Variants in RAD51C observed in about 807,000 individuals in gnomAD.
The protein encoded by RAD51C is DNA repair protein RAD51 homolog 3.
RAD51C carries 42 observed loss-of-function variants against 45.0 expected under a neutral mutation model. That is an observed-to-expected ratio of 0.93 (90% CI 0.73 to 1.21). RAD51C has a LOEUF of 1.21. RAD51C is among the 50% of genes most tolerant of loss of function. RAD51C has a pLI of 0.00. For missense variants in RAD51C, 474 were observed against 452.2 expected (o/e 1.05, Z -0.44); for synonymous variants, 172 against 159.8 (o/e 1.08, Z -0.58).
chr17:58,696,661 G>T, intron 2 of RAD51C, 32 bp from the exon 3 acceptor site: 3 of 1,613,912 alleles, frequency 1.9e-6, no homozygotes, highest in Non-Finnish European at 2.5e-6. Flanking sequence ...TCATCATCAT[G>T]ATTTGGTTGT....
At chr17:58,732,848 G>GA (rs2144049461) in intron 8 of RAD51C, 1 of 334,868 alleles carries the variant, frequency 3.0e-6, no homozygotes, top group African/African-American at 2.1e-5. Flanking sequence ...TTCCAGAAAA[G>GA]AAAAAATACT....
chr17:58,702,509 A>G (rs1281481156), intron 3 of RAD51C, among the ~76,000 whole-genome samples: 2 of 151,942 alleles, frequency 1.3e-5, no homozygotes, highest in Non-Finnish European at 2.9e-5. Flanking sequence ...CCTGGCCAAC[A>G]AGGTGAAACC....
intron 4 of RAD51C, among the ~76,000 whole-genome samples, chr17:58,708,062 G>A (rs1341978204): frequency 6.6e-6 from 1 of 152,108 alleles, no homozygotes. Flanking sequence ...ACGAATATTG[G>A]GGGGACACAG....
intron 6 of RAD51C, among the ~76,000 whole-genome samples, chr17:58,721,290 G>A (rs572834654): frequency 6.6e-6 from 1 of 151,840 alleles, no homozygotes; most frequent in Non-Finnish European, 1.5e-5. Context: ...AAAAAATTGC[G>A]TATCTACTGT....
intron 7 of RAD51C, among the ~76,000 whole-genome samples, chr17:58,728,244 C>CAA (rs879559136): frequency 8.1e-6 from 1 of 124,062 alleles, no homozygotes; most frequent in Non-Finnish European, 1.7e-5. Flanking sequence ...GACTCTGTCT[C>CAA]AAAAAAAAAA....
chr17:58,705,650 A>G (rs1239800240), intron 4 of RAD51C, among the ~76,000 whole-genome samples: 2 of 152,042 alleles, frequency 1.3e-5, no homozygotes, highest in African/African-American at 2.4e-5. Context: ...TTCTTCTTAC[A>G]AGGACGCTAA....
chr17:58,733,277 A>G (rs891442169), intron 8 of RAD51C, among the ~76,000 whole-genome samples: 1 of 152,168 alleles, frequency 6.6e-6, no homozygotes, highest in African/African-American at 2.4e-5. Flanking sequence ...CAGCCTTCCA[A>G]AATTCTGGGA....
chr17:58,726,214 G>A (rs17222733), intron 7 of RAD51C, among the ~76,000 whole-genome samples: 21,852 of 151,332 alleles, frequency 0.14, 2,428 homozygotes, highest in East Asian at 0.31. Context: ...TAACATTTCA[G>A]ATAATCTTTT....
Position 58,734,367 on chromosome 17 carries a change from A to G in RAD51C, c.*145A>G. On this transcript the variant is annotated 3_prime_UTR_variant, in exon 9 of 9. Coordinates refer to ENST00000337432, the MANE Select transcript of RAD51C (RefSeq NM_058216.3). ...ATGAAGTGAATGGGAAAAATACCTAAATATGATTCTGTGAAAGTTTTTCTA... is the reference window on the plus strand; with the variant it reads ...ATGAAGTGAATGGGAAAAATACCTAGATATGATTCTGTGAAAGTTTTTCTA... 7.2e-7 allele frequency: 1 copy of G among 1,380,586 alleles called. No individual in the cohort carries two copies. The allele number at this position is 1,380,586 out of a possible 1,614,324, so 85.5% of individuals were successfully genotyped here.
intron 7 of RAD51C, among the ~76,000 whole-genome samples, chr17:58,731,362 C>T (rs1033088201): frequency 1.3e-5 from 2 of 151,102 alleles, no homozygotes; most frequent in Admixed American, 6.6e-5. Context: ...CAGGTTCAAG[C>T]GATTCTCCTG....
intron 4 of RAD51C, chr17:58,705,896 G>A (rs932774409): frequency 6.7e-6 from 1 of 148,436 alleles, no homozygotes; most frequent in Non-Finnish European, 1.5e-5. Context: ...GTCTTAACCG[G>A]TTCCATCATC....
At position 58,692,716 on chromosome 17, in the gene RAD51C, G is replaced by A. The variant is rs757116652; in HGVS notation, c.73G>A (p.Val25Met). 1.2e-6 allele frequency: 2 copies of A among 1,614,250 alleles called. No individual in the cohort carries two copies. Among genetic ancestry groups the A allele is most frequent in the South Asian group, 2.2e-5 (2 of 91,086 alleles). Reference protein sequence around the residue: ...VSFPLSPAVRVKLVSAGFQTA... With the variant: ...VSFPLSPAVRMKLVSAGFQTA... ...TTTCCCGCTGTCTCCAGCGGTGCGG[G>A]TGAAGCTGGTGTCTGCGGGGTTCCA... The change falls in exon 1 of 9, where the codon GTG becomes ATG. Residue 25 changes from valine (V) to methionine (M), a missense_variant. By Grantham distance (21) the Val-to-Met change is conservative. Coordinates refer to ENST00000337432, the MANE Select transcript of RAD51C (RefSeq NM_058216.3).
At chr17:58,730,067 C>T (rs781634090) in intron 7 of RAD51C, among the ~76,000 whole-genome samples, 1 of 151,936 alleles carries the variant, frequency 6.6e-6, no homozygotes, top group Non-Finnish European at 1.5e-5. Context: ...GGTTAAAATA[C>T]ACCTTGCCTC....
intron 3 of RAD51C, among the ~76,000 whole-genome samples, chr17:58,700,735 T>C (rs1006741530): frequency 6.6e-6 from 1 of 152,082 alleles, no homozygotes; most frequent in African/African-American, 2.4e-5. Flanking sequence ...CCACCACACC[T>C]GGCCTAAAGT....
In RAD51C at chr17:58,734,153, A is replaced by G. The variant is rs201000407; in HGVS notation, c.1062A>G (p.Ala354=). The G allele has an allele frequency of 1.8e-5, 29 of 1,613,730 alleles. No individual in the cohort carries two copies. In the East Asian group the frequency reaches 6.0e-4, roughly 33 times the overall value. The change falls in exon 9 of 9, where the codon GCA becomes GCG. Residue 354 remains alanine (A), a synonymous_variant. Coordinates refer to ENST00000337432, the MANE Select transcript of RAD51C (RefSeq NM_058216.3). ...TTAGAGATACTGTTGTTACTTCTGC[A>G]TGTTCATTGCAAACAGAAGGTTCCT... ...QGFRDTVVTS[A]CSLQTEGSLS...
chr17:58,732,471 T>A lies in RAD51C; in HGVS notation c.966-13T>A. On this transcript the variant is annotated splice_polypyrimidine_tract_variant and intron_variant, in intron 7 of 8. Coordinates refer to ENST00000337432, the MANE Select transcript of RAD51C (RefSeq NM_058216.3). ...CATGTGTTTGTATGTATTTATTCTT[T>A]TTCTTTAAGCAGGTTGGCAACATTG... 1 of 1,609,424 alleles carries A rather than the reference T, an allele frequency of 6.2e-7. No homozygotes were observed. The highest frequency in any genetic ancestry group is 1.3e-5 in the African/African-American group (1 of 74,938).
chr17:58,732,787 A>G (rs1030072721), intron 8 of RAD51C: 26 of 449,162 alleles, frequency 5.8e-5, no homozygotes, highest in African/African-American at 4.7e-4. Context: ...GTTCCATGCC[A>G]TATGTAATGT....
rs2143723581 is a variant in RAD51C, at chr17:58,695,081, T to C, written c.296T>C (p.Phe99Ser). The change falls in exon 2 of 9, where the codon TTC (phenylalanine) becomes TCC (serine). Residue 99 changes from phenylalanine to serine, a missense_variant. Coordinates refer to ENST00000337432, the MANE Select transcript of RAD51C (RefSeq NM_058216.3). ...CTTGAGCAGGAGCATACCCAGGGCT[T>C]CATAATCACCTTCTGTTCAGCACTA... ...ELLEQEHTQG[F>S]IITFCSALDD... The C allele has an allele frequency of 6.2e-7, 1 of 1,614,126 alleles. No individual in the cohort carries two copies. The highest frequency in any genetic ancestry group is 1.3e-5 in the African/African-American group (1 of 75,018).
At chr17:58,721,511 G>A (rs1273750386) in intron 6 of RAD51C, among the ~76,000 whole-genome samples, 1 of 151,976 alleles carries the variant, frequency 6.6e-6, no homozygotes, top group Non-Finnish European at 1.5e-5. Context: ...TGTAATCTCA[G>A]CACTTTGGGA....
Sources: gnomAD v4.1 joint callset for allele counts (sites outside exome capture counted in the v4.1 genomes callset) on GRCh38, gnomAD v4.1.1 for gene constraint, MANE v1.5 for transcripts, NCBI Gene and HGNC (gene_info 2026-07-23, HGNC 2026-07-21) for gene names.